Variants in SDK2 observed in about 807,000 individuals in gnomAD.
The protein encoded by SDK2 is protein sidekick-2.
In SDK2, 105 loss-of-function variants were observed where a neutral mutation model predicts 253.9. The observed-to-expected ratio is 0.41, with a 90% CI of 0.35 to 0.49. SDK2 has a LOEUF of 0.49. Among genes scored for constraint, SDK2 ranks in the 20% least tolerant of loss-of-function variants. The pLI is 0.06. For synonymous variants in SDK2, 1,249 were observed against 1,234.9 expected, an observed-to-expected ratio of 1.01 and a Z score of -0.24; for missense variants, 2,608 against 3,003.0, an observed-to-expected ratio of 0.87 and a Z score of 3.07.
At chr17:73,388,792 C>T (rs1257900286) in intron 29 of SDK2, among the ~76,000 whole-genome samples, 8 of 54,390 alleles carry the variant, frequency 1.5e-4, no homozygotes, top group East Asian at 9.5e-4. Flanking sequence ...CCTTCCTTCC[C>T]TCCCTCCTTC....
chr17:73,493,884 T>C (rs529356826), intron 2 of SDK2, among the ~76,000 whole-genome samples: 32 of 152,116 alleles, frequency 2.1e-4, no homozygotes, highest in African/African-American at 7.5e-4. Context: ...CACAGTTTCA[T>C]AGAAATGTCC....
intron 27 of SDK2, among the ~76,000 whole-genome samples, chr17:73,392,841 C>G (rs1374193487): frequency 6.6e-6 from 1 of 152,100 alleles, no homozygotes; most frequent in Non-Finnish European, 1.5e-5. Context: ...GGATGAATGC[C>G]TGCAGCCCAC....
chr17:73,464,329 T>C (rs1234363021), intron 3 of SDK2, among the ~76,000 whole-genome samples: 1 of 152,216 alleles, frequency 6.6e-6, no homozygotes, highest in Admixed American at 6.5e-5. Flanking sequence ...GATGATTTTA[T>C]GAGTGGAAAT....
chr17:73,463,987 G>A (rs2063581317), intron 3 of SDK2, among the ~76,000 whole-genome samples: 1 of 152,240 alleles, frequency 6.6e-6, no homozygotes, highest in Admixed American at 6.5e-5. Flanking sequence ...AGCCATGTGA[G>A]TTTCCACCAA....
intron 3 of SDK2, among the ~76,000 whole-genome samples, chr17:73,468,769 C>A (rs1370036451): frequency 1.3e-5 from 2 of 151,638 alleles, no homozygotes; most frequent in Non-Finnish European, 2.9e-5. Flanking sequence ...TTGTGATCCA[C>A]CCGCCTTGGC....
intron 1 of SDK2, among the ~76,000 whole-genome samples, chr17:73,575,343 G>A (rs917010102): frequency 6.6e-6 from 1 of 152,160 alleles, no homozygotes; most frequent in Non-Finnish European, 1.5e-5. Flanking sequence ...ATCACTCCAG[G>A]GCTCTCAGAA....
intron 1 of SDK2, among the ~76,000 whole-genome samples, chr17:73,591,380 T>G (rs8073405): frequency 0.22 from 32,787 of 151,848 alleles, 4,050 homozygotes; most frequent in African/African-American, 0.34. Context: ...GTTAACAGGG[T>G]TTCAGCACAA....
At chr17:73,438,426 C>A (rs975220172) in intron 6 of SDK2, among the ~76,000 whole-genome samples, 1 of 152,198 alleles carries the variant, frequency 6.6e-6, no homozygotes, top group African/African-American at 2.4e-5. Context: ...TGGAACAGGG[C>A]CTGCTGATGG....
At chr17:73,615,047 C>T (rs1296819641) in intron 1 of SDK2, among the ~76,000 whole-genome samples, 1 of 151,352 alleles carries the variant, frequency 6.6e-6, no homozygotes, top group Non-Finnish European at 1.5e-5. Context: ...GTGCCTGACA[C>T]AGAAGAAAGT....
chr17:73,546,907 G>A (rs532690652), intron 1 of SDK2, among the ~76,000 whole-genome samples: 1 of 152,338 alleles, frequency 6.6e-6, no homozygotes, highest in East Asian at 1.9e-4. Context: ...GCAGAGCTGG[G>A]ATGCAAACTC....
intron 26 of SDK2, among the ~76,000 whole-genome samples, 179 bp from the exon 27 acceptor site, chr17:73,393,928 C>T (rs2062949609): frequency 6.6e-6 from 1 of 152,194 alleles, no homozygotes; most frequent in African/African-American, 2.4e-5. Context: ...TAATGAAAAG[C>T]AAAACTGGGT....
chr17:73,579,991 G>GA (rs59008482), intron 1 of SDK2, among the ~76,000 whole-genome samples: 31,552 of 126,872 alleles, frequency 0.25, 3,677 homozygotes, highest in African/African-American at 0.34. Flanking sequence ...AAAGAAAAAA[G>GA]AAAAAAAAAA....
At chr17:73,553,602 G>C (rs1014941259) in intron 1 of SDK2, among the ~76,000 whole-genome samples, 2 of 152,002 alleles carry the variant, frequency 1.3e-5, no homozygotes, top group African/African-American at 4.8e-5. Flanking sequence ...TGAGGCCCAG[G>C]GTCACCCCTG....
intron 18 of SDK2, among the ~76,000 whole-genome samples, chr17:73,412,477 T>C (rs2063147584): frequency 6.6e-6 from 1 of 151,768 alleles, no homozygotes; most frequent in Non-Finnish European, 1.5e-5. Flanking sequence ...ATGGGCTGAG[T>C]TGTGTCTGCA....
chr17:73,459,545 G>A (rs545850071), intron 3 of SDK2, among the ~76,000 whole-genome samples: 4 of 152,312 alleles, frequency 2.6e-5, no homozygotes, highest in East Asian at 1.9e-4. Context: ...AGTCAATTAA[G>A]TGTTTCAAAA....
At chr17:73,410,029 G>T (rs998617513) in intron 18 of SDK2, among the ~76,000 whole-genome samples, 2 of 152,048 alleles carry the variant, frequency 1.3e-5, no homozygotes, top group Admixed American at 1.3e-4. Flanking sequence ...TAACTTTTTT[G>T]TGTGTGTAAA....
intron 40 of SDK2, among the ~76,000 whole-genome samples, chr17:73,354,646 G>A (rs564585097): frequency 6.6e-6 from 1 of 152,170 alleles, no homozygotes; most frequent in South Asian, 2.1e-4. Flanking sequence ...GGTCCTCTCT[G>A]TCTGGCCTGC....
chr17:73,409,831 C>G (rs537033474), intron 18 of SDK2, among the ~76,000 whole-genome samples: 8 of 69,776 alleles, frequency 1.1e-4, no homozygotes, highest in South Asian at 1.4e-3. Context: ...CTCTCTCTCT[C>G]TGTGTCTGTC....
intron 3 of SDK2, among the ~76,000 whole-genome samples, chr17:73,458,604 C>G (rs750544687): frequency 1.3e-5 from 2 of 152,246 alleles, no homozygotes; most frequent in Non-Finnish European, 2.9e-5. Context: ...TGCTCTGGCT[C>G]TGCCCTGAGC....
Sources: gnomAD v4.1 joint callset for allele counts (sites outside exome capture counted in the v4.1 genomes callset) on GRCh38, gnomAD v4.1.1 for gene constraint, MANE v1.5 for transcripts, NCBI Gene and HGNC (gene_info 2026-07-23, HGNC 2026-07-21) for gene names.